KLF8: variants seen among roughly 807,000 people sequenced by gnomAD.
The protein encoded by KLF8 is Krueppel-like factor 8.
A neutral mutation model predicts 18.2 loss-of-function variants in KLF8; 10 were observed. That is an observed-to-expected ratio of 0.55 (90% confidence interval 0.34 to 0.93). The LOEUF is 0.93. KLF8 is among the 40% of genes least tolerant of loss of function. The probability of loss-of-function intolerance (pLI) is 0.02; values close to 1 mark genes in which losing one functional copy is unlikely to be tolerated. For synonymous variants in KLF8, 109 were observed against 97.3 expected, an observed-to-expected ratio of 1.12 and a Z score of -0.71; for missense variants, 264 against 277.9, an observed-to-expected ratio of 0.95 and a Z score of 0.36.
chrX:56,093,274 C>G, the KLF8 span, among the ~76,000 whole-genome samples: 3 of 110,878 alleles, frequency 2.7e-5, no homozygotes, highest in Non-Finnish European at 5.7e-5. Flanking sequence ...AAATCAAAGA[C>G]AAATAGAAAA....
At chrX:55,944,724 CTTCT>C in the KLF8 span, among the ~76,000 whole-genome samples, 2 of 110,949 alleles carry the variant, frequency 1.8e-5, no homozygotes, top group East Asian at 5.6e-4. Flanking sequence ...TCTCTCTTTT[CTTCT>C]TTCTTAGTCT....
chrX:56,042,272 C>T, the KLF8 span, among the ~76,000 whole-genome samples: 3 of 111,381 alleles, frequency 2.7e-5, no homozygotes, highest in South Asian at 3.7e-4. Context: ...TTGCATTTGC[C>T]GAGGAGTGTT....
the KLF8 span, among the ~76,000 whole-genome samples, chrX:55,971,924 A>C: frequency 9.0e-6 from 1 of 110,997 alleles, no homozygotes; most frequent in Admixed American, 9.6e-5. Flanking sequence ...TGGTGAGGAT[A>C]TGGACAAAAG....
At chrX:56,085,397 G>A in the KLF8 span, among the ~76,000 whole-genome samples, 2 of 112,109 alleles carry the variant, frequency 1.8e-5, no homozygotes, top group South Asian at 3.7e-4. Context: ...ACAGATTCCA[G>A]TATGGGTCTG....
the KLF8 span, among the ~76,000 whole-genome samples, chrX:55,934,011 A>G: frequency 8.9e-6 from 1 of 112,152 alleles, no homozygotes; most frequent in African/African-American, 3.2e-5. Context: ...GAGTTGTTAA[A>G]AAGTAAAAAA....
At chrX:56,009,792 G>A in the KLF8 span, among the ~76,000 whole-genome samples, 1 of 112,350 alleles carries the variant, frequency 8.9e-6, no homozygotes, top group Non-Finnish European at 1.9e-5. Flanking sequence ...GGAAAACACA[G>A]CACAGAAACT....
At chrX:56,247,074 A>G (rs1184135377) in intron 1 of KLF8, among the ~76,000 whole-genome samples, 1 of 111,935 alleles carries the variant, frequency 8.9e-6, no homozygotes, top group East Asian at 2.8e-4. Context: ...ATACATCCTT[A>G]GACAATTTTT....
the KLF8 span, among the ~76,000 whole-genome samples, chrX:55,989,359 T>G: frequency 8.9e-6 from 1 of 112,450 alleles, no homozygotes; most frequent in East Asian, 2.8e-4. Context: ...TAGCTCTTAT[T>G]ATTTTGAGAT....
At chrX:56,007,870 G>C in the KLF8 span, among the ~76,000 whole-genome samples, 1 of 110,694 alleles carries the variant, frequency 9.0e-6, no homozygotes, top group African/African-American at 3.3e-5. Context: ...CTAGGTGATG[G>C]GATGATTTGT....
intron 2 of KLF8, among the ~76,000 whole-genome samples, chrX:56,257,820 A>G (rs1245616460): frequency 8.9e-6 from 1 of 112,625 alleles, no homozygotes; most frequent in Non-Finnish European, 1.9e-5. Flanking sequence ...TGATGAACAT[A>G]TAAGTGCAGG....
the KLF8 span, among the ~76,000 whole-genome samples, chrX:55,936,562 C>T: frequency 2.7e-5 from 3 of 112,696 alleles, no homozygotes; most frequent in Non-Finnish European, 5.6e-5. Context: ...CGTGTGTGAG[C>T]CAAAGCAGGG....
At chrX:56,159,773 T>C in the KLF8 span, among the ~76,000 whole-genome samples, 2 of 111,632 alleles carry the variant, frequency 1.8e-5, no homozygotes, top group African/African-American at 3.3e-5. Flanking sequence ...TTGATTCTTC[T>C]CTCTTTTCTT....
chrX:56,018,608 G>A, the KLF8 span, among the ~76,000 whole-genome samples: 1 of 110,498 alleles, frequency 9.0e-6, no homozygotes, highest in African/African-American at 3.3e-5. Context: ...ACATCAATAT[G>A]TTTTATTATA....
chrX:56,193,084 G>A, the KLF8 span, among the ~76,000 whole-genome samples: 1 of 112,324 alleles, frequency 8.9e-6, no homozygotes, highest in African/African-American at 3.2e-5. Context: ...ACAAGGGTTT[G>A]AGAACCAGAA....
chrX:55,909,513 A>G, the KLF8 span, among the ~76,000 whole-genome samples: 2 of 112,862 alleles, frequency 1.8e-5, no homozygotes, highest in East Asian at 5.5e-4. Flanking sequence ...AGGTTTGTGT[A>G]AAATGTCAAG....
At chrX:56,105,195 T>G in the KLF8 span, among the ~76,000 whole-genome samples, 8 of 111,910 alleles carry the variant, frequency 7.1e-5, no homozygotes, top group South Asian at 3.0e-3. Flanking sequence ...ATTCTGTTGA[T>G]TTGGGGTGGA....
chrX:56,091,144 G>A, the KLF8 span, among the ~76,000 whole-genome samples: 1 of 111,142 alleles, frequency 9.0e-6, no homozygotes, highest in Non-Finnish European at 1.9e-5. Flanking sequence ...AACCCCACAT[G>A]TCGAGGGTGG....
chrX:55,966,311 A>G, the KLF8 span, among the ~76,000 whole-genome samples: 1 of 112,211 alleles, frequency 8.9e-6, no homozygotes, highest in Admixed American at 9.4e-5. Context: ...GGGTGAGACC[A>G]AGTGCTTTGC....
chrX:56,110,427 G>A, the KLF8 span, among the ~76,000 whole-genome samples: 1 of 111,711 alleles, frequency 9.0e-6, no homozygotes. Context: ...GCCAGACTCT[G>A]TTGTTAAACT....
Sources: allele counts gnomAD v4.1 joint callset (sites outside exome capture counted in the v4.1 genomes callset), GRCh38; gene constraint gnomAD v4.1.1; transcripts MANE v1.5; gene names NCBI Gene and HGNC (gene_info 2026-07-23, HGNC 2026-07-21).